Variants in PCDH15 observed in about 807,000 individuals in gnomAD.
PCDH15 encodes protocadherin related 15.
A neutral mutation model predicts 178.5 loss-of-function variants in PCDH15; 129 were observed. The ratio of observed to expected loss-of-function variants is 0.72; its 90% CI spans 0.63 to 0.84. The LOEUF is 0.84. Ranked by LOEUF, PCDH15 falls within the 40% of genes least tolerant of loss-of-function variation. The pLI, the probability that PCDH15 is intolerant of heterozygous loss-of-function variation, is 0.00. For missense variants in PCDH15, 2,230 were observed against 2,099.9 expected (o/e 1.06, Z -1.21); for synonymous variants, 800 against 732.0 (o/e 1.09, Z -1.50).
At chr10:54,449,145 C>G (rs2076316346) in intron 3 of PCDH15, among the ~76,000 whole-genome samples, 1 of 151,694 alleles carries the variant, frequency 6.6e-6, no homozygotes, top group African/African-American at 2.4e-5. Flanking sequence ...CACTTGGGCC[C>G]AACCCTTAAC....
chr10:55,227,988 G>A (rs1841101139), intron 1 of PCDH15, among the ~76,000 whole-genome samples: 1 of 151,958 alleles, frequency 6.6e-6, no homozygotes, highest in Admixed American at 6.6e-5. Context: ...TAAATGTGCA[G>A]GTTTATTTAG....
At chr10:54,148,210 G>T (rs1038933845) in intron 14 of PCDH15, among the ~76,000 whole-genome samples, 1 of 151,764 alleles carries the variant, frequency 6.6e-6, no homozygotes, top group African/African-American at 2.4e-5. Flanking sequence ...ATGTATAAAA[G>T]TATTCTATAT....
intron 2 of PCDH15, among the ~76,000 whole-genome samples, chr10:54,635,186 A>AATAAATAAATAG: frequency 6.6e-6 from 1 of 150,766 alleles, no homozygotes; most frequent in Admixed American, 6.6e-5. Context: ...TAAATAAATA[A>AATAAATAAATAG]ATAAATAATT....
intron 18 of PCDH15, among the ~76,000 whole-genome samples, chr10:54,049,644 G>A (rs543185461): frequency 4.8e-4 from 72 of 148,852 alleles, no homozygotes; most frequent in African/African-American, 1.5e-3. Context: ...TTTTTGAGAC[G>A]GAGTCTCGCT....
At chr10:53,887,800 A>C (rs893130959) in intron 26 of PCDH15, among the ~76,000 whole-genome samples, 1 of 152,200 alleles carries the variant, frequency 6.6e-6, no homozygotes, top group Non-Finnish European at 1.5e-5. Flanking sequence ...AAGGCAGGAG[A>C]ATGGCGTGAA....
chr10:54,797,509 C>A (rs985820103), intron 1 of PCDH15, among the ~76,000 whole-genome samples: 4 of 21,088 alleles, frequency 1.9e-4, no homozygotes, highest in Non-Finnish European at 4.2e-4. Context: ...ATTGTTGAAA[C>A]ACACACACAC....
At chr10:54,796,306 C>CTATT (rs1952003638) in intron 1 of PCDH15, among the ~76,000 whole-genome samples, 1 of 149,728 alleles carries the variant, frequency 6.7e-6, no homozygotes, top group South Asian at 2.1e-4. Flanking sequence ...ATCTATCTAT[C>CTATT]TATCTATCTA....
rs201392934 is a variant in PCDH15 at position 55,378,479 on chromosome 10, C to T, written c.-155-211828G>A. On this transcript the variant is annotated intron_variant, in intron 2 of 5. Coordinates refer to the PCDH15 transcript ENST00000613346. ...ATATATCCCCTTAAAAGGAACTACACATTTGAAGCATTATTCACTTAGCAA... is the reference window on the plus strand; with the variant it reads ...ATATATCCCCTTAAAAGGAACTACATATTTGAAGCATTATTCACTTAGCAA... Among the ~76,000 whole-genome samples, 9 of 152,216 alleles carry T rather than the reference C, an allele frequency of 5.9e-5. No homozygotes were observed. The East Asian group carries it at 1.5e-3, about 26-fold the overall frequency.
chr10:53,877,137 T>C (rs142244165), intron 26 of PCDH15, among the ~76,000 whole-genome samples: 2,126 of 152,264 alleles, frequency 0.014, 57 homozygotes, highest in African/African-American at 0.048. Flanking sequence ...TATGTTATAA[T>C]TGAAGTTTCC....
chr10:54,421,365 G>A (rs1454755478), intron 3 of PCDH15, among the ~76,000 whole-genome samples: 1 of 151,122 alleles, frequency 6.6e-6, no homozygotes, highest in African/African-American at 2.4e-5. Context: ...GTGAATCCTG[G>A]CTGGAGTTTG....
intron 3 of PCDH15, among the ~76,000 whole-genome samples, chr10:54,857,754 A>G (rs749758516): frequency 2.0e-5 from 3 of 152,064 alleles, no homozygotes. Flanking sequence ...GCCTGACTGA[A>G]TAACTTTTAA....
intron 28 of PCDH15, among the ~76,000 whole-genome samples, chr10:53,846,484 A>T (rs533024574): frequency 2.6e-5 from 4 of 152,080 alleles, no homozygotes; most frequent in Non-Finnish European, 5.9e-5. Context: ...AAAACAGTTT[A>T]TCTAAATAAC....
chr10:54,247,805 A>G (rs1399164713), intron 8 of PCDH15, among the ~76,000 whole-genome samples: 1 of 151,348 alleles, frequency 6.6e-6, no homozygotes, highest in Admixed American at 6.6e-5. Flanking sequence ...GGTGAGATTA[A>G]TAATATCTAC....
At chr10:55,578,148 C>T (rs1010984535) in intron 2 of PCDH15, among the ~76,000 whole-genome samples, 1 of 151,964 alleles carries the variant, frequency 6.6e-6, no homozygotes, top group African/African-American at 2.4e-5. Context: ...CTAATTAAGC[C>T]AGGTTGAAAG....
chr10:54,889,908 T>C (rs11813604), intron 3 of PCDH15, among the ~76,000 whole-genome samples: 34,164 of 151,740 alleles, frequency 0.23, 4,534 homozygotes, highest in Non-Finnish European at 0.31. Context: ...ACAGCACCCA[T>C]AGTATCTTGA....
chr10:54,511,332 A>G (rs931668955), intron 3 of PCDH15, among the ~76,000 whole-genome samples: 1 of 152,012 alleles, frequency 6.6e-6, no homozygotes, highest in African/African-American at 2.4e-5. Flanking sequence ...CATGGACTCT[A>G]ATTTGGCTTC....
At chr10:55,497,882 G>A (rs1406831934) in intron 2 of PCDH15, among the ~76,000 whole-genome samples, 2 of 151,870 alleles carry the variant, frequency 1.3e-5, no homozygotes, top group African/African-American at 4.8e-5. Flanking sequence ...AAATGGAAAA[G>A]TGAACTCTCT....
intron 25 of PCDH15, among the ~76,000 whole-genome samples, chr10:53,913,748 A>C (rs2083309984): frequency 1.4e-5 from 2 of 143,326 alleles, no homozygotes; most frequent in African/African-American, 5.2e-5. Flanking sequence ...TGTCTCAAAA[A>C]AAAACCAAAA....
chr10:54,314,894 T>A (rs1325173481), intron 8 of PCDH15, among the ~76,000 whole-genome samples: 1 of 152,210 alleles, frequency 6.6e-6, no homozygotes, highest in Non-Finnish European at 1.5e-5. Flanking sequence ...TGTATAGTAT[T>A]CCATGTGGTA....
Sources: allele counts gnomAD v4.1 joint callset (sites outside exome capture counted in the v4.1 genomes callset), GRCh38; gene constraint gnomAD v4.1.1; transcripts MANE v1.5; gene names NCBI Gene and HGNC (gene_info 2026-07-23, HGNC 2026-07-21).